AOPEP: variants seen among roughly 807,000 people sequenced by gnomAD.
AOPEP encodes aminopeptidase O.
Under a neutral mutation model 98.1 loss-of-function variants are expected in AOPEP, and 77 were observed. The observed-to-expected ratio is 0.78, with a 90% CI of 0.65 to 0.95. The LOEUF is 0.95. Ranked by LOEUF, AOPEP falls within the 40% of genes least tolerant of loss-of-function variation. AOPEP has a pLI of 0.00. For missense variants in AOPEP, 1,024 were observed against 1,024.7 expected (o/e 1.00, Z 0.01); for synonymous variants, 346 against 365.3 (o/e 0.95, Z 0.60).
the AOPEP span, among the ~76,000 whole-genome samples, chr9:95,140,091 A>G: frequency 6.6e-6 from 1 of 151,974 alleles, no homozygotes; most frequent in Non-Finnish European, 1.5e-5. Context: ...ATCCCTACCT[A>G]ATAATTGGGA....
chr9:94,821,885 GT>G (rs918217477), intron 5 of AOPEP, among the ~76,000 whole-genome samples: 1 of 151,044 alleles, frequency 6.6e-6, no homozygotes. Flanking sequence ...AGCATGGCAA[GT>G]TTTTTTTTGT....
At chr9:94,769,868 C>T (rs1301135685) in intron 2 of AOPEP, among the ~76,000 whole-genome samples, 1 of 152,154 alleles carries the variant, frequency 6.6e-6, no homozygotes, top group African/African-American at 2.4e-5. Context: ...GGACAAAATT[C>T]TAGAACAAAA....
At chr9:95,101,755 T>C in the AOPEP span, 2 of 1,614,186 alleles carry the variant, frequency 1.2e-6, no homozygotes, top group Admixed American at 1.7e-5. Flanking sequence ...CCAGTTTTTC[T>C]GATCTAGGGC....
the AOPEP span, among the ~76,000 whole-genome samples, chr9:95,148,138 C>T: frequency 3.9e-5 from 6 of 152,156 alleles, no homozygotes; most frequent in Non-Finnish European, 7.3e-5. Flanking sequence ...TGCATTTTCA[C>T]ATATGAATGT....
chr9:94,837,787 A>G (rs1311423812), intron 5 of AOPEP, among the ~76,000 whole-genome samples: 2 of 152,210 alleles, frequency 1.3e-5, no homozygotes, highest in East Asian at 1.9e-4. Context: ...ATCTATGACA[A>G]ACCCACAGCC....
At chr9:95,111,182 T>C in the AOPEP span, 1 of 1,536,002 alleles carries the variant, frequency 6.5e-7, no homozygotes, top group South Asian at 1.2e-5. Flanking sequence ...ATATGGCAGC[T>C]GAGCAATAAC....
intron 1 of AOPEP, among the ~76,000 whole-genome samples, chr9:94,744,485 G>C (rs1445119588): frequency 6.6e-6 from 1 of 152,056 alleles, no homozygotes; most frequent in African/African-American, 2.4e-5. Flanking sequence ...CGGATCACCT[G>C]AGGTTGGGAG....
chr9:94,745,356 A>G (rs912137482), intron 1 of AOPEP, among the ~76,000 whole-genome samples: 3 of 151,798 alleles, frequency 2.0e-5, no homozygotes, highest in Non-Finnish European at 1.5e-5. Context: ...GCTCACTGCA[A>G]GCTCCGCCTC....
At chr9:94,950,652 C>T (rs1290610091) in intron 7 of AOPEP, among the ~76,000 whole-genome samples, 2 of 152,242 alleles carry the variant, frequency 1.3e-5, no homozygotes, top group African/African-American at 4.8e-5. Flanking sequence ...AACAGAAACA[C>T]TGAGATGTTG....
chr9:95,068,958 C>T (rs2068199939), intron 14 of AOPEP, among the ~76,000 whole-genome samples: 1 of 152,102 alleles, frequency 6.6e-6, no homozygotes, highest in South Asian at 2.1e-4. Flanking sequence ...TGGCCCTTCT[C>T]AAGGAGCTTT....
At chr9:95,080,999 C>T in intron 15 of AOPEP, 1 of 553,878 alleles carries the variant, frequency 1.8e-6, no homozygotes, top group Non-Finnish European at 3.2e-6. Flanking sequence ...TCAATGCCGC[C>T]TTGTGGCCCA....
chr9:95,001,863 T>G (rs1350888107), intron 11 of AOPEP, among the ~76,000 whole-genome samples: 9 of 152,034 alleles, frequency 5.9e-5, no homozygotes, highest in Admixed American at 5.9e-4. Context: ...CCGTAGCCTC[T>G]GCCTCCCGGG....
chr9:94,749,859 C>T (rs1391201701), intron 1 of AOPEP, among the ~76,000 whole-genome samples: 3 of 152,118 alleles, frequency 2.0e-5, no homozygotes, highest in African/African-American at 4.8e-5. Context: ...AAGTTGGTCT[C>T]TACTAATTGC....
At chr9:94,877,723 C>A (rs575963813) in intron 5 of AOPEP, among the ~76,000 whole-genome samples, 1 of 152,236 alleles carries the variant, frequency 6.6e-6, no homozygotes, top group Admixed American at 6.5e-5. Flanking sequence ...TCCCAACCTC[C>A]TACTGGATTT....
chr9:95,076,165 A>G (rs1436317025), intron 14 of AOPEP, among the ~76,000 whole-genome samples: 1 of 152,210 alleles, frequency 6.6e-6, no homozygotes, highest in African/African-American at 2.4e-5. Context: ...GACCTCATGG[A>G]CACCATTTTT....
the AOPEP span, chr9:95,126,813 A>G: frequency 2.0e-6 from 1 of 510,974 alleles, no homozygotes; most frequent in Non-Finnish European, 3.5e-6. Flanking sequence ...ATACTCCTGT[A>G]TGTCCCACAT....
At chr9:95,105,833 C>T in the AOPEP span, among the ~76,000 whole-genome samples, 1 of 152,226 alleles carries the variant, frequency 6.6e-6, no homozygotes, top group Non-Finnish European at 1.5e-5. Flanking sequence ...CTGAACAGTA[C>T]TCTCTTGTGG....
chr9:95,082,469 C>T, intron 15 of AOPEP, 106 bp from the exon 16 acceptor site: 1 of 1,315,182 alleles, frequency 7.6e-7, no homozygotes, highest in Non-Finnish European at 1.0e-6. Flanking sequence ...TTTGCAATTT[C>T]TAGACCAGCA....
chr9:95,078,022 GT>G (rs1156303394), intron 14 of AOPEP, among the ~76,000 whole-genome samples: 1 of 151,064 alleles, frequency 6.6e-6, no homozygotes, highest in Non-Finnish European at 1.5e-5. Context: ...GAAAAGACTT[GT>G]TTTTATCTTC....
Sources: allele counts gnomAD v4.1 joint callset (sites outside exome capture counted in the v4.1 genomes callset), GRCh38; gene constraint gnomAD v4.1.1; transcripts MANE v1.5; gene names NCBI Gene and HGNC (gene_info 2026-07-23, HGNC 2026-07-21).